The following RAI1 variants were observed in gnomAD, a reference collection of about 807,000 sequenced individuals.
RAI1 encodes the protein retinoic acid induced 1.
Under a neutral mutation model 123.8 loss-of-function variants are expected in RAI1, and 9 were observed. The observed-to-expected ratio is 0.07, with a 90% CI of 0.04 to 0.13. The LOEUF (loss-of-function observed/expected upper bound fraction) is 0.13, where lower values mean the gene tolerates loss of function less well. RAI1 is among the 10% of genes least tolerant of loss of function. The probability of loss-of-function intolerance (pLI) is 1.00; values close to 1 mark genes in which losing one functional copy is unlikely to be tolerated. For synonymous variants in RAI1, 1,231 were observed against 1,127.3 expected (o/e 1.09, Z -1.84); for missense variants, 2,256 against 2,545.8 (o/e 0.89, Z 2.45).
intron 1 of RAI1, among the ~76,000 whole-genome samples, chr17:17,699,767 G>A (rs1006080018): frequency 1.3e-5 from 2 of 152,198 alleles, no homozygotes; most frequent in African/African-American, 2.4e-5. Context: ...ACTGTCTGCC[G>A]GGTAGGATGG....
chr17:17,729,406 T>A (rs1243239452), intron 2 of RAI1, among the ~76,000 whole-genome samples: 1 of 152,196 alleles, frequency 6.6e-6, no homozygotes. Context: ...GGGACCTGCC[T>A]GCTGCCATAC....
chr17:17,809,084 CGGGA>C lies in RAI1; in HGVS notation c.5660-293_5660-290del, dbSNP rs941010493. On this transcript the variant is annotated intron_variant, in intron 4 of 5. Transcript: ENST00000353383. This position sits in a 1 kb window ranked among gnomAD's most constrained non-coding sequence, Gnocchi z 4.9. ...GACAAGTGTGGCTGGCAGAGTAAGGCGGGAGGGAGGGAGGGACTGAGGGACTGCC... is the reference window on the plus strand; with the variant it reads ...GACAAGTGTGGCTGGCAGAGTAAGGCGGGAGGGAGGGACTGAGGGACTGCC... 17 of 452,890 alleles carry C rather than the reference CGGGA, an allele frequency of 3.8e-5. No individual in the cohort carries two copies. Among genetic ancestry groups the C allele is most frequent in the Admixed American group, 1.4e-4 (4 of 28,136 alleles). 28.1% of individuals were successfully genotyped at this position (452,890 alleles called of 1,614,324 possible).
rs780860899 is a variant in RAI1 at position 17,794,085 on chromosome 17, C to T, written c.1137C>T (p.Thr379=). The change falls in exon 3 of 6, where the codon ACC becomes ACT. Residue 379 remains threonine, a synonymous_variant. Transcript: ENST00000353383. The stretch of plus-strand genomic sequence containing the variant: ...CCTACAGCCAGCAGCCGCTCAGCAC[C>T]GGGGCCTTCCCCGCAGGGATCACTG... ...NFPYSQQPLS[T]GAFPAGITDH... The T allele has an allele frequency of 2.0e-5, 32 of 1,614,066 alleles. No homozygotes were observed. The highest frequency in any genetic ancestry group is 2.7e-5 in the African/African-American group (2 of 75,038).
chr17:17,734,279 A>G (rs1159166722), intron 2 of RAI1, among the ~76,000 whole-genome samples: 2 of 148,552 alleles, frequency 1.3e-5, no homozygotes, highest in South Asian at 2.1e-4. Flanking sequence ...TCTCTCTACA[A>G]TTTTTTTTTT....
At chr17:17,735,572 G>A (rs1379412537) in intron 2 of RAI1, among the ~76,000 whole-genome samples, 1 of 151,822 alleles carries the variant, frequency 6.6e-6, no homozygotes, top group Non-Finnish European at 1.5e-5. Context: ...GGTCAGGCTG[G>A]TCTCAAACTC....
chr17:17,778,265 C>T (rs2142997121), intron 2 of RAI1: 1 of 178,550 alleles, frequency 5.6e-6, no homozygotes, highest in Middle Eastern at 2.7e-3. Context: ...CCAGAATGTC[C>T]TCCCCAGCTC....
chr17:17,729,044 G>A (rs911963547), intron 2 of RAI1, among the ~76,000 whole-genome samples: 1 of 152,178 alleles, frequency 6.6e-6, no homozygotes, highest in East Asian at 1.9e-4. Flanking sequence ...TCACTAGCCT[G>A]GAGCAGCCTT....
chr17:17,754,730 C>T (rs1305358731), intron 2 of RAI1, among the ~76,000 whole-genome samples: 1 of 152,178 alleles, frequency 6.6e-6, no homozygotes, highest in Non-Finnish European at 1.5e-5. Flanking sequence ...GAGCCCTAAG[C>T]GTTTTTGGGC....
At chr17:17,783,312 T>TG (rs1355138636) in intron 2 of RAI1, among the ~76,000 whole-genome samples, 4 of 151,532 alleles carry the variant, frequency 2.6e-5, no homozygotes, top group African/African-American at 9.7e-5. Flanking sequence ...AGCCCGAGGT[T>TG]GCCGTGACCT....
At chr17:17,773,260 C>A (rs1456264606) in intron 2 of RAI1, among the ~76,000 whole-genome samples, 1 of 152,198 alleles carries the variant, frequency 6.6e-6, no homozygotes, top group Non-Finnish European at 1.5e-5. Context: ...AGCTCAGCTC[C>A]TGTGCCCAGC....
At chr17:17,804,838 A>ATTTT (rs1567937682) in intron 4 of RAI1, among the ~76,000 whole-genome samples, 1 of 144,106 alleles carries the variant, frequency 6.9e-6, no homozygotes. Flanking sequence ...TAGTGTTTTT[A>ATTTT]TTTTTATTTA....
intron 1 of RAI1, among the ~76,000 whole-genome samples, chr17:17,713,693 A>G (rs1330663968): frequency 1.3e-5 from 2 of 152,250 alleles, no homozygotes; most frequent in Non-Finnish European, 2.9e-5. Context: ...AAATATTCAC[A>G]GTAATTGTCA....
At chr17:17,701,293 G>T (rs1470840586) in intron 1 of RAI1, among the ~76,000 whole-genome samples, 1 of 152,170 alleles carries the variant, frequency 6.6e-6, no homozygotes, top group Non-Finnish European at 1.5e-5. Flanking sequence ...TGGGGTTGTG[G>T]GGGCTGCACT....
At chr17:17,747,785 C>G (rs947678680) in intron 2 of RAI1, among the ~76,000 whole-genome samples, 26 of 152,168 alleles carry the variant, frequency 1.7e-4, no homozygotes, top group Admixed American at 1.5e-3. Flanking sequence ...GCCAGTCTGG[C>G]TGGGCACAGT....
intron 1 of RAI1, among the ~76,000 whole-genome samples, chr17:17,703,499 G>T (rs1915297395): frequency 6.6e-6 from 1 of 152,158 alleles, no homozygotes; most frequent in African/African-American, 2.4e-5. Context: ...TTGGGGTGGG[G>T]ACCCACCTGT....
intron 1 of RAI1, among the ~76,000 whole-genome samples, chr17:17,713,983 G>A (rs1239759042): frequency 6.6e-6 from 1 of 152,064 alleles, no homozygotes; most frequent in Non-Finnish European, 1.5e-5. Flanking sequence ...CAAGTCACAG[G>A]ACCAGAGATC....
Position 17,810,197 on chromosome 17 carries a change from C to T in RAI1, c.*216C>T, listed in dbSNP as rs552035217. On this transcript the variant is annotated 3_prime_UTR_variant, in exon 6 of 6. Coordinates refer to ENST00000353383, the MANE Select transcript of RAI1 (RefSeq NM_030665.4). The surrounding 1 kb of genome is among the most constrained non-coding windows in gnomAD (Gnocchi z 4.6). ...GGAAAACCCGTTCCGGAGCCGCCTG[C>T]TCCCGGAACCGGACGGCACAGGGCG... 4.9e-5 allele frequency: 33 copies of T among 668,038 alleles called. No homozygotes were observed. The South Asian group carries it at 6.1e-4, about 12-fold the overall frequency. 41.4% of individuals were successfully genotyped at this position (668,038 alleles called of 1,614,324 possible). A position where few individuals can be genotyped will look rare whatever the true frequency, so the allele number is the denominator to read the frequency against.
chr17:17,792,897 TTCCCTCCCTCCC>T, intron 2 of RAI1, 24 bp from the exon 3 acceptor site: 1 of 375,246 alleles, frequency 2.7e-6, no homozygotes, highest in Non-Finnish European at 5.5e-6. Flanking sequence ...CCCTCCCTCC[TTCCCTCCCTCCC>T]TCCCTTCCTT....
chr17:17,793,689 T>G lies in RAI1; in HGVS notation c.741T>G (p.His247Gln). The G allele has an allele frequency of 5.6e-6, 9 of 1,613,062 alleles. No homozygotes were observed. Among genetic ancestry groups the G allele is most frequent in the Non-Finnish European group, 7.6e-6 (9 of 1,180,018 alleles). Residue 247 changes from histidine (H) to glutamine (Q), a missense_variant, in exon 3 of 6, where the codon CAT becomes CAG. Around this residue, in one of 7 missense-constraint regions of RAI1, gnomAD observed 336 missense variants for 349.8 expected, o/e 0.96. Coordinates refer to ENST00000353383, the MANE Select transcript of RAI1 (RefSeq NM_030665.4). ...KSCTAPTAQPHDRPLTASSSL... is the reference protein window; with the variant it reads ...KSCTAPTAQPQDRPLTASSSL... ...GCACAGCACCGACTGCCCAGCCCCA[T>G]GACAGGCCGCTGACTGCCAGCTCCA...
Sources: allele counts gnomAD v4.1 joint callset (sites outside exome capture counted in the v4.1 genomes callset), GRCh38; gene constraint gnomAD v4.1.1; regional missense constraint gnomAD v4.1.1; non-coding constraint Gnocchi (gnomAD v3.1); transcripts MANE v1.5; gene names NCBI Gene and HGNC (gene_info 2026-07-23, HGNC 2026-07-21).